The following CERS6 variants were observed in gnomAD, a reference collection of about 807,000 sequenced individuals.
The protein encoded by CERS6 is LAG1 homolog, ceramide synthase 6.
Under a neutral mutation model 56.8 loss-of-function variants are expected in CERS6, and 26 were observed. That is an observed-to-expected ratio of 0.46 (90% CI 0.34 to 0.63). The LOEUF is 0.63. Ranked by LOEUF, CERS6 falls within the 30% of genes least tolerant of loss-of-function variation. The pLI is 0.01. For synonymous variants in CERS6, 164 were observed against 173.3 expected (o/e 0.95, Z 0.42); for missense variants, 415 against 467.5 (o/e 0.89, Z 1.04).
At chr2:168,477,565 C>T (rs1694102098) in intron 1 of CERS6, among the ~76,000 whole-genome samples, 1 of 152,180 alleles carries the variant, frequency 6.6e-6, no homozygotes, top group Admixed American at 6.5e-5. Flanking sequence ...ATCAGTGCTT[C>T]TTGAGATCAT....
chr2:168,644,110 G>A (rs568687151), intron 4 of CERS6: 1 of 985,238 alleles, frequency 1.0e-6, no homozygotes, highest in African/African-American at 1.7e-5. Context: ...GCTAATAGGA[G>A]ATATGACTTG....
At chr2:168,513,297 C>A (rs926602531) in intron 1 of CERS6, among the ~76,000 whole-genome samples, 1 of 152,190 alleles carries the variant, frequency 6.6e-6, no homozygotes, top group Non-Finnish European at 1.5e-5. Flanking sequence ...AATATTGATA[C>A]ACTGTTATTA....
At chr2:168,706,508 A>G (rs1686945199) in intron 6 of CERS6, among the ~76,000 whole-genome samples, 1 of 152,224 alleles carries the variant, frequency 6.6e-6, no homozygotes, top group African/African-American at 2.4e-5. Context: ...AGCAGTAGAG[A>G]AAATAATACT....
chr2:168,464,211 T>TGA (rs1553482290), intron 1 of CERS6, among the ~76,000 whole-genome samples: 7 of 148,940 alleles, frequency 4.7e-5, no homozygotes, highest in South Asian at 2.1e-4. Flanking sequence ...TGTGTGTGTG[T>TGA]GACAAGGGTC....
At chr2:168,558,950 CAAG>C (rs1695735536) in intron 2 of CERS6, among the ~76,000 whole-genome samples, 1 of 152,032 alleles carries the variant, frequency 6.6e-6, no homozygotes, top group Non-Finnish European at 1.5e-5. Flanking sequence ...GGTTATCTGA[CAAG>C]AAGGGGAGAA....
At chr2:168,570,303 G>A (rs1695961688) in intron 3 of CERS6, among the ~76,000 whole-genome samples, 1 of 152,204 alleles carries the variant, frequency 6.6e-6, no homozygotes, top group Admixed American at 6.5e-5. Context: ...CTACTGTGTA[G>A]CGATGTGACA....
intron 8 of CERS6, among the ~76,000 whole-genome samples, chr2:168,744,295 C>G (rs114363399): frequency 0.022 from 3,365 of 152,112 alleles, 56 homozygotes; most frequent in Middle Eastern, 0.041. Context: ...TGTGAGCCAC[C>G]GTTCCCGGCC....
rs185524877 is a variant in CERS6, at chr2:168,714,207, C to T, written c.610-794C>T. 2.0e-5 allele frequency among the ~76,000 whole-genome samples: 3 copies of T among 152,300 alleles called. No individual in the cohort carries two copies. The East Asian group carries it at 5.8e-4, about 29-fold the overall frequency. On this transcript the variant is annotated intron_variant, in intron 6 of 9. Coordinates refer to ENST00000305747, the MANE Select transcript of CERS6 (RefSeq NM_203463.3). Reference sequence around the variant, plus strand: ...GGGTTCTGGCCTCATGCCCTAATTACCTCCCAAATACCCCACCTCCTAATA... The same window carrying T: ...GGGTTCTGGCCTCATGCCCTAATTATCTCCCAAATACCCCACCTCCTAATA...
intron 3 of CERS6, among the ~76,000 whole-genome samples, chr2:168,582,257 G>A (rs189523728): frequency 5.9e-5 from 9 of 152,208 alleles, no homozygotes; most frequent in Admixed American, 4.6e-4. Flanking sequence ...TAGGCACTGG[G>A]CCTAGATTCT....
chr2:168,664,208 A>G (rs1290288106), intron 4 of CERS6, among the ~76,000 whole-genome samples: 1 of 152,166 alleles, frequency 6.6e-6, no homozygotes, highest in African/African-American at 2.4e-5. Flanking sequence ...TGAATAACAT[A>G]CATGAGAAGT....
At position 168,755,092 on chromosome 2, in the gene CERS6, A is replaced by G. The variant is rs529877983; in HGVS notation, c.846-10500A>G. Among the ~76,000 whole-genome samples, 63 of 152,338 alleles carry G rather than the reference A, an allele frequency of 4.1e-4. 2 individuals are homozygous for G. Among genetic ancestry groups the G allele is most frequent in the African/African-American group, 1.2e-3 (51 of 41,590 alleles). On this transcript the variant is annotated intron_variant, in intron 8 of 9. Coordinates refer to ENST00000305747, the MANE Select transcript of CERS6 (RefSeq NM_203463.3). ...GCCCATGTTCTCTGTTTTAATGTAA[A>G]TTTTAAAAGAAGGAGAGAGGGATTC...
At position 168,765,684 on chromosome 2, in the gene CERS6, G is replaced by A. The variant is rs765701588; in HGVS notation, c.938G>A (p.Gly313Glu). The change falls in exon 9 of 10, where the codon GGG (glycine) becomes GAG (glutamate). Residue 313 changes from glycine (G) to glutamate (E), a missense_variant. Coordinates refer to ENST00000305747, the MANE Select transcript of CERS6 (RefSeq NM_203463.3). ...VFNLLLLLVQ[G>E]LNCFWSYLIV... ...AACCTACTGCTATTGCTAGTACAAG[G>A]GTTGAACTGCTTCTGGTCTTACTTG... The A allele has an allele frequency of 1.2e-6, 2 of 1,614,064 alleles. No individual in the cohort carries two copies. The highest frequency in any genetic ancestry group is 2.7e-5 in the African/African-American group (2 of 75,048).
At position 168,690,983 on chromosome 2, in the gene CERS6, C is replaced by T. The variant is rs574251838; in HGVS notation, c.466-51C>T. ...GAGCCTATTGTAAACCTTTTTTATCCTCTTATCCATGTTCTAAAATATGTA... is the reference window on the plus strand; with the variant it reads ...GAGCCTATTGTAAACCTTTTTTATCTTCTTATCCATGTTCTAAAATATGTA... On this transcript the variant is annotated intron_variant, in intron 4 of 9. Coordinates refer to ENST00000305747, the MANE Select transcript of CERS6 (RefSeq NM_203463.3). 7.2e-6 allele frequency: 11 copies of T among 1,525,270 alleles called. No homozygotes were observed. In the South Asian group the frequency reaches 1.1e-4, roughly 16 times the overall value. The allele number at this position is 1,525,270 out of a possible 1,614,324, so 94.5% of individuals were successfully genotyped here.
At chr2:168,701,071 A>G (rs906028924) in intron 6 of CERS6, among the ~76,000 whole-genome samples, 1 of 152,194 alleles carries the variant, frequency 6.6e-6, no homozygotes, top group Non-Finnish European at 1.5e-5. Flanking sequence ...CTTCTAGCAC[A>G]GTGATTGGTA....
chr2:168,704,308 G>A (rs1477128431), intron 6 of CERS6, among the ~76,000 whole-genome samples: 1 of 152,016 alleles, frequency 6.6e-6, no homozygotes, highest in Non-Finnish European at 1.5e-5. Context: ...TGCTGGTCTC[G>A]GGCTCTGGGC....
chr2:168,666,178 C>T (rs976871548), intron 4 of CERS6, among the ~76,000 whole-genome samples: 1 of 152,138 alleles, frequency 6.6e-6, no homozygotes, highest in East Asian at 1.9e-4. Flanking sequence ...GGCTAAAGTG[C>T]ATAGTTTACA....
chr2:168,541,197 A>G (rs1054892982), intron 1 of CERS6, among the ~76,000 whole-genome samples: 2 of 152,192 alleles, frequency 1.3e-5, no homozygotes, highest in Admixed American at 6.5e-5. Flanking sequence ...CAATCCATTT[A>G]TGAGGGATCT....
intron 9 of CERS6, 116 bp downstream of exon 9, chr2:168,765,864 T>C: frequency 1.0e-6 from 1 of 963,970 alleles, no homozygotes; most frequent in Non-Finnish European, 1.5e-6. Flanking sequence ...TTCTTCAGAA[T>C]TGAGCAAAAA....
intron 8 of CERS6, among the ~76,000 whole-genome samples, chr2:168,759,476 C>A (rs968901599): frequency 6.6e-6 from 1 of 152,104 alleles, no homozygotes; most frequent in African/African-American, 2.4e-5. Context: ...CCTCTATACT[C>A]TCCATTAGAC....
Sources: gnomAD v4.1 joint callset for allele counts (sites outside exome capture counted in the v4.1 genomes callset) on GRCh38, gnomAD v4.1.1 for gene constraint, MANE v1.5 for transcripts, NCBI Gene and HGNC (gene_info 2026-07-23, HGNC 2026-07-21) for gene names.